Variants in ARHGAP24 observed in about 807,000 individuals in gnomAD.
ARHGAP24 encodes the protein rho GTPase-activating protein 24.
A neutral mutation model predicts 76.4 loss-of-function variants in ARHGAP24; 50 were observed. That is an observed-to-expected ratio of 0.65 (90% CI 0.52 to 0.83). ARHGAP24 has a LOEUF of 0.83. Ranked by LOEUF, ARHGAP24 falls within the 40% of genes least tolerant of loss-of-function variation. The pLI, the probability that ARHGAP24 is intolerant of heterozygous loss-of-function variation, is 0.00. For missense variants in ARHGAP24, 930 were observed against 914.2 expected, an observed-to-expected ratio of 1.02 and a Z score of -0.22; for synonymous variants, 345 against 323.3, an observed-to-expected ratio of 1.07 and a Z score of -0.72.
chr4:85,813,855 A>G (rs980292063), intron 3 of ARHGAP24, among the ~76,000 whole-genome samples: 3 of 142,880 alleles, frequency 2.1e-5, no homozygotes, highest in Non-Finnish European at 4.5e-5. Flanking sequence ...TGTAGTTAGA[A>G]CATGTATTAG....
At chr4:85,961,242 G>A (rs1305524807) in intron 5 of ARHGAP24, among the ~76,000 whole-genome samples, 1 of 152,072 alleles carries the variant, frequency 6.6e-6, no homozygotes, top group African/African-American at 2.4e-5. Context: ...ATAAACTAAG[G>A]TGGTATCGTC....
chr4:85,824,904 A>T (rs900343630), intron 3 of ARHGAP24, among the ~76,000 whole-genome samples: 7 of 152,164 alleles, frequency 4.6e-5, no homozygotes, highest in Admixed American at 3.9e-4. Context: ...AGCCTTGCCA[A>T]CATGGAGAAA....
At chr4:85,481,991 A>C (rs761494550) in intron 1 of ARHGAP24, among the ~76,000 whole-genome samples, 10 of 152,188 alleles carry the variant, frequency 6.6e-5, no homozygotes, top group Non-Finnish European at 1.5e-4. Context: ...GTTTGAGGAG[A>C]TACCTAGAGA....
Position 85,611,232 on chromosome 4 carries a change from G to C in ARHGAP24, c.180+40511G>C, listed in dbSNP as rs776877381. ...CCTAATGTTATAGTTTAGTGGATAA[G>C]TGAATATTTTATATTATAAAAAAAC... On this transcript the variant is annotated intron_variant, in intron 2 of 9. Transcript: ENST00000395184. Among the ~76,000 whole-genome samples the C allele has an allele frequency of 2.0e-5, 3 of 152,276 alleles. No homozygotes were observed. In the East Asian group the frequency reaches 5.8e-4, roughly 29 times the overall value.
At chr4:85,919,220 A>G (rs1295592488) in intron 3 of ARHGAP24, among the ~76,000 whole-genome samples, 1 of 152,244 alleles carries the variant, frequency 6.6e-6, no homozygotes, top group Admixed American at 6.5e-5. Context: ...TAACGAAGAA[A>G]GTGAATCTTG....
intron 9 of ARHGAP24, among the ~76,000 whole-genome samples, chr4:85,997,845 A>G (rs906029696): frequency 2.0e-5 from 3 of 151,802 alleles, no homozygotes; most frequent in Non-Finnish European, 2.9e-5. Flanking sequence ...TTGTGGAGAC[A>G]GGGGTTTTAC....
chr4:85,533,112 G>C (rs937485844), intron 1 of ARHGAP24, among the ~76,000 whole-genome samples: 5 of 152,156 alleles, frequency 3.3e-5, no homozygotes, highest in African/African-American at 1.2e-4. Context: ...AAAATATATA[G>C]TGGGAATATT....
chr4:85,793,838 G>A (rs562832593), intron 3 of ARHGAP24, among the ~76,000 whole-genome samples: 63 of 152,228 alleles, frequency 4.1e-4, no homozygotes, highest in African/African-American at 1.5e-3. Flanking sequence ...TTGATTATTT[G>A]TGATTCATTG....
chr4:85,923,780 C>A lies in ARHGAP24; in HGVS notation c.391+10C>A, dbSNP rs566785591. 6.2e-7 allele frequency: 1 copy of A among 1,613,874 alleles called. No homozygotes were observed. The highest frequency in any genetic ancestry group is 1.7e-5 in the Admixed American group (1 of 59,970). The stretch of plus-strand genomic sequence containing the variant: ...GGACCTTTCGGAGGAGGTGAGTGTA[C>A]TTTAAAATCATGGAAAAACAGAAAG... On this transcript the variant is annotated intron_variant, in intron 4 of 9. Coordinates refer to ENST00000395184, the MANE Select transcript of ARHGAP24 (RefSeq NM_001025616.3).
chr4:85,591,931 C>G (rs1273959224), intron 2 of ARHGAP24, among the ~76,000 whole-genome samples: 1 of 152,156 alleles, frequency 6.6e-6, no homozygotes, highest in Non-Finnish European at 1.5e-5. Context: ...ACTCCCCACA[C>G]CACCACAATA....
At chr4:85,522,024 A>G (rs1395323931) in intron 1 of ARHGAP24, among the ~76,000 whole-genome samples, 1 of 152,182 alleles carries the variant, frequency 6.6e-6, no homozygotes, top group Non-Finnish European at 1.5e-5. Context: ...AAAAACAGGA[A>G]ATAGTATATA....
chr4:85,502,126 C>T (rs1172315718), intron 1 of ARHGAP24, among the ~76,000 whole-genome samples: 1 of 152,048 alleles, frequency 6.6e-6, no homozygotes, highest in African/African-American at 2.4e-5. Context: ...GTTACAGTAG[C>T]CTTGTAGTAT....
chr4:85,648,236 C>CCTCAGTTATATCTTAT (rs1560568545), intron 2 of ARHGAP24, among the ~76,000 whole-genome samples: 1 of 152,058 alleles, frequency 6.6e-6, no homozygotes, highest in Non-Finnish European at 1.5e-5. Flanking sequence ...TTATATCTTA[C>CCTCAGTTATATCTTAT]AGAAGTCCTG....
rs1044848777 is a variant in ARHGAP24 at position 85,996,823 on chromosome 4, C to A, written c.2003+1166C>A. ...TATGTATTGGAATTCTGAATTACTG[C>A]CAATCCATGATGATAAATTAGCATT... On this transcript the variant is annotated intron_variant, in intron 9 of 9. Transcript: ENST00000395184. Among the ~76,000 whole-genome samples, 107 of 152,174 alleles carry A rather than the reference C, an allele frequency of 7.0e-4. 1 individual carries two copies. The highest frequency in any genetic ancestry group is 2.5e-3 in the African/African-American group (105 of 41,520).
chr4:85,613,348 T>C (rs968592910), intron 2 of ARHGAP24, among the ~76,000 whole-genome samples: 18 of 152,218 alleles, frequency 1.2e-4, no homozygotes, highest in African/African-American at 4.3e-4. Context: ...TAATATTCCA[T>C]TGCATGAACC....
chr4:85,791,009 A>G (rs902040342), intron 3 of ARHGAP24, among the ~76,000 whole-genome samples: 4 of 152,210 alleles, frequency 2.6e-5, no homozygotes, highest in African/African-American at 9.6e-5. Context: ...ATCAGTAAAC[A>G]TTTATTGTCA....
At chr4:85,766,742 A>T (rs1185979377) in intron 3 of ARHGAP24, among the ~76,000 whole-genome samples, 1 of 152,152 alleles carries the variant, frequency 6.6e-6, no homozygotes, top group African/African-American at 2.4e-5. Context: ...CTTGAGAATA[A>T]ATCACTAAGG....
chr4:85,866,133 G>A (rs889492827), intron 3 of ARHGAP24, among the ~76,000 whole-genome samples: 2 of 152,046 alleles, frequency 1.3e-5, no homozygotes, highest in African/African-American at 4.8e-5. Context: ...ATTGATTTGA[G>A]AAATAAATAC....
chr4:85,777,698 C>T (rs1274200607), intron 3 of ARHGAP24, among the ~76,000 whole-genome samples: 3 of 152,132 alleles, frequency 2.0e-5, no homozygotes, highest in African/African-American at 7.2e-5. Flanking sequence ...TCTAAGGAAG[C>T]TATTGCTTGT....
Sources: allele counts gnomAD v4.1 joint callset (sites outside exome capture counted in the v4.1 genomes callset), GRCh38; gene constraint gnomAD v4.1.1; transcripts MANE v1.5; gene names NCBI Gene and HGNC (gene_info 2026-07-23, HGNC 2026-07-21).